LPP: variants seen among roughly 807,000 people sequenced by gnomAD.
The protein encoded by LPP is LIM domain containing preferred translocation partner in lipoma, also known as lipoma-preferred partner.
A neutral mutation model predicts 60.4 loss-of-function variants in LPP; 38 were observed. That is an observed-to-expected ratio of 0.63 (90% CI 0.49 to 0.83). The LOEUF (loss-of-function observed/expected upper bound fraction) is 0.83. LPP is among the 40% of genes least tolerant of loss of function. The pLI, the probability that LPP is intolerant of heterozygous loss-of-function variation, is 0.00. For missense variants in LPP, 902 were observed against 783.6 expected (o/e 1.15, Z -1.80); for synonymous variants, 328 against 290.8 (o/e 1.13, Z -1.30).
intron 9 of LPP, among the ~76,000 whole-genome samples, chr3:188,835,211 C>A (rs1758106759): frequency 6.6e-6 from 1 of 151,214 alleles, no homozygotes; most frequent in Non-Finnish European, 1.5e-5. Context: ...GTAATCCTAG[C>A]ATTTTGGAGG....
At chr3:188,835,391 C>A (rs1241937503) in intron 9 of LPP, among the ~76,000 whole-genome samples, 1 of 151,014 alleles carries the variant, frequency 6.6e-6, no homozygotes, top group Admixed American at 6.6e-5. Flanking sequence ...TTTTGGGAGG[C>A]TGAGGCGGGC....
intron 7 of LPP, among the ~76,000 whole-genome samples, chr3:188,630,769 C>G (rs986039786): frequency 6.6e-6 from 1 of 152,096 alleles, no homozygotes; most frequent in African/African-American, 2.4e-5. Flanking sequence ...GACCTGGGAT[C>G]AACCTAAATG....
At chr3:188,434,074 G>A (rs939384789) in intron 4 of LPP, among the ~76,000 whole-genome samples, 1 of 152,142 alleles carries the variant, frequency 6.6e-6, no homozygotes, top group African/African-American at 2.4e-5. Flanking sequence ...GAAGTCTACA[G>A]ATGCTGTGAT....
chr3:188,765,233 C>T (rs534411122), intron 9 of LPP, among the ~76,000 whole-genome samples: 2 of 151,350 alleles, frequency 1.3e-5, no homozygotes, highest in African/African-American at 4.9e-5. Flanking sequence ...TAATTGCCTA[C>T]GTCTGCTCTC....
chr3:188,192,037 A>G (rs1232033337), intron 1 of LPP, among the ~76,000 whole-genome samples: 2 of 152,214 alleles, frequency 1.3e-5, no homozygotes, highest in East Asian at 1.9e-4. Flanking sequence ...AACATAAACT[A>G]TTTGGCAATG....
chr3:188,160,973 T>C (rs1394610900), intron 1 of LPP, among the ~76,000 whole-genome samples: 2 of 152,084 alleles, frequency 1.3e-5, no homozygotes, highest in African/African-American at 4.8e-5. Flanking sequence ...GTTTACATGG[T>C]GGATAGGAGT....
intron 7 of LPP, among the ~76,000 whole-genome samples, chr3:188,621,687 G>A (rs529120008): frequency 6.6e-5 from 10 of 152,034 alleles, no homozygotes; most frequent in African/African-American, 2.4e-4. Flanking sequence ...TTGAGATGGG[G>A]TCTCATTCTG....
At chr3:188,625,744 G>C (rs557667883) in intron 7 of LPP, among the ~76,000 whole-genome samples, 15 of 152,070 alleles carry the variant, frequency 9.9e-5, no homozygotes, top group Admixed American at 3.9e-4. Context: ...AAGAGACCTG[G>C]ACTAATATTT....
chr3:188,240,305 G>C (rs1577476453), intron 2 of LPP: 1 of 164,602 alleles, frequency 6.1e-6, no homozygotes, highest in Admixed American at 6.5e-5. Flanking sequence ...GCCTAACAAG[G>C]TTGTTGACTG....
At chr3:188,752,296 A>G (rs1728356476) in intron 8 of LPP, among the ~76,000 whole-genome samples, 1 of 152,164 alleles carries the variant, frequency 6.6e-6, no homozygotes, top group Non-Finnish European at 1.5e-5. Flanking sequence ...AAGTGACTCA[A>G]CTAAGACCAC....
chr3:188,530,353 TG>T (rs1821838404), intron 6 of LPP, among the ~76,000 whole-genome samples: 1 of 152,268 alleles, frequency 6.6e-6, no homozygotes, highest in Non-Finnish European at 1.5e-5. Context: ...ATTACATTAG[TG>T]TTTGAAACCA....
chr3:188,350,740 C>A (rs1765620188), intron 3 of LPP, among the ~76,000 whole-genome samples: 1 of 152,124 alleles, frequency 6.6e-6, no homozygotes, highest in Admixed American at 6.5e-5. Context: ...GTCCACAGAG[C>A]ATTATGATGA....
chr3:188,269,645 A>ATATGTGTG (rs748506984), intron 2 of LPP, among the ~76,000 whole-genome samples: 17,169 of 136,166 alleles, frequency 0.13, 1,140 homozygotes, highest in Middle Eastern at 0.24. Flanking sequence ...CTTTTTTTTT[A>ATATGTGTG]TGTGTGTGTG....
chr3:188,781,848 T>C (rs1447689067), intron 9 of LPP, among the ~76,000 whole-genome samples: 12 of 147,340 alleles, frequency 8.1e-5, no homozygotes, highest in Admixed American at 2.8e-4. Context: ...GCTGAGATCA[T>C]GCCACTGCAC....
intron 7 of LPP, among the ~76,000 whole-genome samples, chr3:188,701,920 C>G (rs1405771353): frequency 6.9e-6 from 1 of 145,446 alleles, no homozygotes; most frequent in African/African-American, 2.5e-5. Context: ...CTTCTCTTTT[C>G]TCATCCTAGT....
At chr3:188,276,507 C>T (rs6797477) in intron 2 of LPP, among the ~76,000 whole-genome samples, 7,282 of 152,194 alleles carry the variant, frequency 0.048, 380 homozygotes, top group African/African-American at 0.13. Flanking sequence ...TATTTGTCCC[C>T]GTCCAAATCT....
intron 7 of LPP, among the ~76,000 whole-genome samples, chr3:188,654,902 A>G (rs1233462275): frequency 1.3e-5 from 2 of 152,216 alleles, no homozygotes; most frequent in South Asian, 2.1e-4. Flanking sequence ...TCCTAATCAT[A>G]CTAATACCAA....
In LPP at chr3:188,884,267, G is replaced by C. The variant is rs1208043751; in HGVS notation, c.*9788G>C. 2.2e-5 allele frequency: 5 copies of C among 229,980 alleles called. No individual in the cohort carries two copies. Among genetic ancestry groups the C allele is most frequent in the African/African-American group, 1.1e-4 (5 of 45,146 alleles). 14.2% of individuals were successfully genotyped at this position (229,980 alleles called of 1,614,324 possible). On this transcript the variant is annotated 3_prime_UTR_variant, in exon 12 of 12. Coordinates refer to ENST00000617246, the MANE Select transcript of LPP (RefSeq NM_001375462.1). ...AGTGGCAGATTTGGGGATATAACCA[G>C]GTCTTGCAAGTCCAGTGCTGTCTCC...
intron 7 of LPP, among the ~76,000 whole-genome samples, chr3:188,670,826 C>T (rs1409781282): frequency 6.6e-6 from 1 of 152,144 alleles, no homozygotes; most frequent in Non-Finnish European, 1.5e-5. Context: ...CAAATGGTCA[C>T]ATCTTATGAC....
Sources: allele counts gnomAD v4.1 joint callset (sites outside exome capture counted in the v4.1 genomes callset), GRCh38; gene constraint gnomAD v4.1.1; transcripts MANE v1.5; gene names NCBI Gene and HGNC (gene_info 2026-07-23, HGNC 2026-07-21).